CSGALNACT1: variants seen among roughly 807,000 people sequenced by gnomAD.
CSGALNACT1 encodes the protein beta4GalNAcT-1.
CSGALNACT1 carries 52 observed loss-of-function variants against 51.0 expected under a neutral mutation model. The observed-to-expected ratio is 1.02, with a 90% confidence interval of 0.82 to 1.29. CSGALNACT1 has a LOEUF of 1.29. Ranked by LOEUF, CSGALNACT1 falls within the 50% of genes most tolerant of loss-of-function variation. The pLI is 0.00. For synonymous variants in CSGALNACT1, 341 were observed against 254.4 expected, an observed-to-expected ratio of 1.34 and a Z score of -3.24; for missense variants, 935 against 679.2, an observed-to-expected ratio of 1.38 and a Z score of -4.19.
chr8:19,443,074 G>A (rs1438504730), intron 5 of CSGALNACT1, among the ~76,000 whole-genome samples: 3 of 152,124 alleles, frequency 2.0e-5, no homozygotes, highest in Non-Finnish European at 4.4e-5. Context: ...CCATTCGGCT[G>A]CACCCTCCTG....
At chr8:19,532,204 T>C (rs902116208) in intron 3 of CSGALNACT1, among the ~76,000 whole-genome samples, 1 of 152,086 alleles carries the variant, frequency 6.6e-6, no homozygotes, top group Non-Finnish European at 1.5e-5. Flanking sequence ...TGCACATTAT[T>C]GTCTCGCTCT....
exon 8 of CSGALNACT1, chr8:19,418,673 G>C: frequency 6.2e-7 from 1 of 1,611,256 alleles, no homozygotes; most frequent in Non-Finnish European, 8.5e-7. Flanking sequence ...TGTTCCAAGG[G>C]AGGGACTGCA....
chr8:19,596,937 A>C (rs1369027037), intron 2 of CSGALNACT1, among the ~76,000 whole-genome samples: 1 of 152,202 alleles, frequency 6.6e-6, no homozygotes, highest in East Asian at 1.9e-4. Context: ...TTATGCAACC[A>C]AACTCCACAT....
At chr8:19,428,089 T>C (rs536107516) in intron 6 of CSGALNACT1, among the ~76,000 whole-genome samples, 19 of 152,272 alleles carry the variant, frequency 1.2e-4, no homozygotes, top group African/African-American at 4.3e-4. Flanking sequence ...ACTTAGCTCA[T>C]TGCATGTGCC....
exon 10 of CSGALNACT1, chr8:19,405,981 C>A: frequency 6.2e-7 from 1 of 1,614,188 alleles, no homozygotes; most frequent in Non-Finnish European, 8.5e-7. Context: ...GCACAGGCGT[C>A]CGTACCACTA....
chr8:19,530,212 C>A (rs2082471421), intron 3 of CSGALNACT1, among the ~76,000 whole-genome samples: 1 of 148,876 alleles, frequency 6.7e-6, no homozygotes, highest in Non-Finnish European at 1.5e-5. Flanking sequence ...CAGAGCGAGA[C>A]TCTGGCTGAA....
rs146905947 is a variant in CSGALNACT1 at position 19,625,166 on chromosome 8, A to G, written c.-543-23301T>C. On this transcript the variant is annotated intron_variant, in intron 1 of 9. Transcript: ENST00000332246. ...CCTAGATGGAGAGGGACTGTAAAGT[A>G]TAGTCTTCCCAGTGACCAGGAGGGA... Among the ~76,000 whole-genome samples, 762 of 152,334 alleles carry G rather than the reference A, an allele frequency of 5.0e-3. 4 individuals carry two copies. Among genetic ancestry groups the G allele is most frequent in the Non-Finnish European group, 7.2e-3 (493 of 68,032 alleles).
chr8:19,626,026 A>C lies in CSGALNACT1; in HGVS notation c.-543-24161T>G, dbSNP rs2054405843. ...TGAAGAAAGTATTAACATTTAAATT[A>C]ACAGATAATCCTAGCAAGATTTTTT... On this transcript the variant is annotated intron_variant, in intron 1 of 9. Transcript: ENST00000332246. 2.0e-5 allele frequency among the ~76,000 whole-genome samples: 3 copies of C among 152,258 alleles called. 1 individual carries two copies. The highest frequency in any genetic ancestry group is 2.0e-4 in the Admixed American group (3 of 15,282).
At chr8:19,582,910 A>C (rs1021391639) in intron 3 of CSGALNACT1, among the ~76,000 whole-genome samples, 1 of 152,188 alleles carries the variant, frequency 6.6e-6, no homozygotes, top group African/African-American at 2.4e-5. Flanking sequence ...TTGGAGAAAG[A>C]CAGCCATTTC....
intron 4 of CSGALNACT1, among the ~76,000 whole-genome samples, chr8:19,459,027 T>C (rs888975080): frequency 1.3e-5 from 2 of 152,126 alleles, no homozygotes; most frequent in African/African-American, 4.8e-5. Context: ...GCAATATGAT[T>C]TGAAGAATAT....
chr8:19,478,408 C>T (rs555021166), intron 4 of CSGALNACT1, among the ~76,000 whole-genome samples: 32 of 103,828 alleles, frequency 3.1e-4, no homozygotes, highest in African/African-American at 9.2e-4. Flanking sequence ...AGCGAGACTC[C>T]GTCTCAAAAA....
chr8:19,425,571 T>C (rs1161876793), intron 6 of CSGALNACT1, among the ~76,000 whole-genome samples: 1 of 152,194 alleles, frequency 6.6e-6, no homozygotes, highest in Non-Finnish European at 1.5e-5. Context: ...AATCAGAGCC[T>C]CACAAGAGTG....
upstream of CSGALNACT1, among the ~76,000 whole-genome samples, chr8:19,605,425 G>C (rs188860920): frequency 1.6e-4 from 25 of 152,260 alleles, no homozygotes; most frequent in East Asian, 4.2e-3. Flanking sequence ...GAGAGAGTGA[G>C]ACTCTGTCTC....
chr8:19,647,138 T>A (rs1459778762), intron 1 of CSGALNACT1, among the ~76,000 whole-genome samples: 1 of 152,100 alleles, frequency 6.6e-6, no homozygotes, highest in Non-Finnish European at 1.5e-5. Context: ...GCTAGGGCCT[T>A]CCTATCAGGC....
chr8:19,550,161 T>C (rs113669895), intron 3 of CSGALNACT1, among the ~76,000 whole-genome samples: 23 of 152,296 alleles, frequency 1.5e-4, no homozygotes, highest in African/African-American at 5.1e-4. Context: ...TTTAGGTTTT[T>C]GTTTTTAAGC....
At chr8:19,512,160 C>T (rs1428547685) in intron 3 of CSGALNACT1, among the ~76,000 whole-genome samples, 2 of 152,138 alleles carry the variant, frequency 1.3e-5, no homozygotes, top group Non-Finnish European at 2.9e-5. Context: ...TCTTGGGTGC[C>T]CTCTCTCCCA....
At chr8:19,648,840 T>C (rs925681939) in intron 1 of CSGALNACT1, among the ~76,000 whole-genome samples, 5 of 152,054 alleles carry the variant, frequency 3.3e-5, no homozygotes, top group African/African-American at 1.2e-4. Context: ...AACACCTTAA[T>C]GTCCATTAAC....
At chr8:19,492,620 TC>T (rs2074595619) in intron 4 of CSGALNACT1, among the ~76,000 whole-genome samples, 1 of 152,194 alleles carries the variant, frequency 6.6e-6, no homozygotes, top group African/African-American at 2.4e-5. Context: ...CTAAAGGCTT[TC>T]AGGATAAGGG....
intron 1 of CSGALNACT1, among the ~76,000 whole-genome samples, chr8:19,719,130 C>T (rs1469313723): frequency 6.6e-6 from 1 of 152,222 alleles, no homozygotes; most frequent in Non-Finnish European, 1.5e-5. Context: ...ATACAATATA[C>T]ACATACACTA....
Sources: allele counts gnomAD v4.1 joint callset (sites outside exome capture counted in the v4.1 genomes callset), GRCh38; gene constraint gnomAD v4.1.1; transcripts MANE v1.5; gene names NCBI Gene and HGNC (gene_info 2026-07-23, HGNC 2026-07-21).